NBAS: variants seen among roughly 807,000 people sequenced by gnomAD.
The protein encoded by NBAS is NBAS subunit of NRZ tethering complex, also known as NAG/BC035112 fusion.
Under a neutral mutation model 302.5 loss-of-function variants are expected in NBAS, and 219 were observed. That is an observed-to-expected ratio of 0.72 (90% confidence interval 0.65 to 0.81). NBAS has a LOEUF of 0.81. Ranked by LOEUF, NBAS falls within the 30% of genes least tolerant of loss-of-function variation. The pLI is 0.00. For synonymous variants in NBAS, 1,118 were observed against 1,021.6 expected, an observed-to-expected ratio of 1.09 and a Z score of -1.80; for missense variants, 2,932 against 2,841.6, an observed-to-expected ratio of 1.03 and a Z score of -0.72.
the NBAS span, among the ~76,000 whole-genome samples, chr2:14,992,626 GC>G: frequency 6.6e-6 from 1 of 152,178 alleles, no homozygotes; most frequent in Non-Finnish European, 1.5e-5. Context: ...TGTGGAGTCA[GC>G]CCCGAATCTG....
chr2:15,193,728 C>T (rs145246792), intron 48 of NBAS, among the ~76,000 whole-genome samples: 9 of 151,818 alleles, frequency 5.9e-5, no homozygotes, highest in Admixed American at 2.0e-4. Flanking sequence ...ATAACAAGTG[C>T]GAATCCAAGA....
At chr2:14,877,043 C>T in the NBAS span, among the ~76,000 whole-genome samples, 7 of 152,230 alleles carry the variant, frequency 4.6e-5, no homozygotes, top group African/African-American at 1.2e-4. Context: ...ATCCTCACCA[C>T]GTTCTTAACT....
At chr2:15,425,573 C>A (rs939088905) in intron 22 of NBAS, among the ~76,000 whole-genome samples, 3 of 152,122 alleles carry the variant, frequency 2.0e-5, no homozygotes, top group African/African-American at 7.2e-5. Context: ...TACCCAAATG[C>A]CTTTGACAAC....
At chr2:15,199,841 T>C (rs535215588) in intron 48 of NBAS, among the ~76,000 whole-genome samples, 1 of 151,628 alleles carries the variant, frequency 6.6e-6, no homozygotes, top group Non-Finnish European at 1.5e-5. Flanking sequence ...CAGGAAATGA[T>C]AGGTATTACA....
At chr2:15,095,984 C>T in the NBAS span, among the ~76,000 whole-genome samples, 2 of 152,224 alleles carry the variant, frequency 1.3e-5, no homozygotes, top group Non-Finnish European at 2.9e-5. Flanking sequence ...GCCAGAGCCA[C>T]CCCCAGCCCA....
chr2:14,796,639 T>C, the NBAS span, among the ~76,000 whole-genome samples: 1 of 150,892 alleles, frequency 6.6e-6, no homozygotes, highest in Admixed American at 6.6e-5. Context: ...TAGAGGCGGG[T>C]CCCTGGTAAA....
chr2:15,489,925 C>T (rs1281098036), intron 11 of NBAS, among the ~76,000 whole-genome samples: 16 of 152,128 alleles, frequency 1.1e-4, no homozygotes, highest in Admixed American at 1.0e-3. Context: ...AAAACAGAGA[C>T]CAGAAAACAG....
intron 28 of NBAS, among the ~76,000 whole-genome samples, chr2:15,392,574 T>C (rs1675662109): frequency 6.6e-6 from 1 of 151,792 alleles, no homozygotes; most frequent in Admixed American, 6.6e-5. Flanking sequence ...ACAAAATAAA[T>C]GCAAGAATAG....
the NBAS span, among the ~76,000 whole-genome samples, chr2:14,836,577 T>A: frequency 2.0e-5 from 3 of 151,886 alleles, no homozygotes; most frequent in African/African-American, 7.2e-5. Flanking sequence ...CATATTCTAT[T>A]ACATTTGACT....
At chr2:15,334,556 T>C (rs1398067351) in intron 35 of NBAS, among the ~76,000 whole-genome samples, 2 of 152,198 alleles carry the variant, frequency 1.3e-5, no homozygotes, top group Non-Finnish European at 1.5e-5. Flanking sequence ...GCTGGCAATA[T>C]TACATGCACA....
the NBAS span, among the ~76,000 whole-genome samples, chr2:14,837,757 A>T: frequency 6.6e-6 from 1 of 151,744 alleles, no homozygotes; most frequent in Non-Finnish European, 1.5e-5. Context: ...TATTTTCAAA[A>T]TATAATATTT....
chr2:15,440,076 C>A (rs898285240), intron 21 of NBAS, among the ~76,000 whole-genome samples: 4 of 152,246 alleles, frequency 2.6e-5, no homozygotes, highest in African/African-American at 9.6e-5. Flanking sequence ...TCTCTGGGGG[C>A]AGGGCACAGA....
the NBAS span, among the ~76,000 whole-genome samples, chr2:15,119,546 G>T: frequency 1.3e-5 from 2 of 152,028 alleles, no homozygotes; most frequent in Admixed American, 1.3e-4. Context: ...TCACCATGTT[G>T]GCCAAGATGG....
At chr2:14,784,384 T>A in the NBAS span, among the ~76,000 whole-genome samples, 2 of 152,328 alleles carry the variant, frequency 1.3e-5, no homozygotes, top group Non-Finnish European at 2.9e-5. Context: ...AGACATGAAG[T>A]CCTTGCCCAT....
rs77582620 is a variant in NBAS at position 15,541,921 on chromosome 2, C to A, written c.380-2565G>T. 5.5e-4 allele frequency among the ~76,000 whole-genome samples: 27 copies of A among 48,860 alleles called. 6 individuals are homozygous for A. The highest frequency in any genetic ancestry group is 2.2e-3 in the East Asian group (7 of 3,220). 32.1% of individuals were successfully genotyped at this position (48,860 alleles called of 152,430 possible). On this transcript the variant is annotated intron_variant, in intron 6 of 51. Transcript: ENST00000281513. ...AGGGAGGTGGGGGGGTTCAGCCCCC[C>A]GCCCGGCCAGCCGCCCCGTCCGGGA...
the NBAS span, among the ~76,000 whole-genome samples, chr2:15,157,191 C>T: frequency 6.6e-6 from 1 of 152,170 alleles, no homozygotes; most frequent in African/African-American, 2.4e-5. Flanking sequence ...GGCGAGGTTG[C>T]ATCATGCTCA....
chr2:15,433,374 C>T (rs756337266), intron 21 of NBAS, among the ~76,000 whole-genome samples: 2 of 152,138 alleles, frequency 1.3e-5, no homozygotes, highest in African/African-American at 2.4e-5. Flanking sequence ...ACAACAGTAC[C>T]TGGCATACAG....
intron 51 of NBAS, among the ~76,000 whole-genome samples, chr2:15,173,359 A>T (rs1178787882): frequency 6.6e-6 from 1 of 152,216 alleles, no homozygotes; most frequent in African/African-American, 2.4e-5. Context: ...ATAATGAGGA[A>T]AGCTGAAATT....
chr2:14,785,894 T>A, the NBAS span, among the ~76,000 whole-genome samples: 3 of 152,184 alleles, frequency 2.0e-5, no homozygotes, highest in Non-Finnish European at 4.4e-5. Context: ...TCAGGAGGAA[T>A]GGTACCAGTT....
Sources: gnomAD v4.1 joint callset for allele counts (sites outside exome capture counted in the v4.1 genomes callset) on GRCh38, gnomAD v4.1.1 for gene constraint, MANE v1.5 for transcripts, NCBI Gene and HGNC (gene_info 2026-07-23, HGNC 2026-07-21) for gene names.